KCND3: variants seen among roughly 807,000 people sequenced by gnomAD.
KCND3 encodes potassium voltage-gated channel subfamily D member 3, also known as A-type voltage-gated potassium channel KCND3.
KCND3 carries 9 observed loss-of-function variants against 51.1 expected under a neutral mutation model. The observed-to-expected ratio is 0.18, with a 90% CI of 0.11 to 0.31. The LOEUF (loss-of-function observed/expected upper bound fraction) is 0.31, where lower values mean the gene tolerates loss of function less well. Among genes scored for constraint, KCND3 ranks in the 10% least tolerant of loss-of-function variants. The pLI is 1.00. For missense variants in KCND3, 526 were observed against 903.8 expected (o/e 0.58, Z 5.36); for synonymous variants, 349 against 368.0 (o/e 0.95, Z 0.59).
chr1:111,825,315 A>G (rs1433818034), intron 2 of KCND3, among the ~76,000 whole-genome samples: 1 of 152,248 alleles, frequency 6.6e-6, no homozygotes, highest in South Asian at 2.1e-4. Flanking sequence ...TTTGTGGCAC[A>G]ATGGCCCATC....
chr1:111,811,980 C>T (rs1293534719), intron 2 of KCND3, among the ~76,000 whole-genome samples: 7 of 152,178 alleles, frequency 4.6e-5, no homozygotes, highest in Non-Finnish European at 1.0e-4. Flanking sequence ...TGAGAGCATT[C>T]CTTGCAGTGC....
intron 2 of KCND3, among the ~76,000 whole-genome samples, chr1:111,817,086 A>C (rs558358021): frequency 2.0e-5 from 3 of 152,276 alleles, no homozygotes; most frequent in African/African-American, 7.2e-5. Flanking sequence ...TTAGTCACCA[A>C]AGCAGTGTAC....
chr1:111,977,890 T>C (rs1674727994), intron 2 of KCND3, among the ~76,000 whole-genome samples: 1 of 152,254 alleles, frequency 6.6e-6, no homozygotes, highest in African/African-American at 2.4e-5. Context: ...CCCTTCCCTC[T>C]GTTAACTGAG....
chr1:111,977,614 C>T (rs1325544864), intron 2 of KCND3, among the ~76,000 whole-genome samples: 1 of 152,124 alleles, frequency 6.6e-6, no homozygotes, highest in African/African-American at 2.4e-5. Context: ...CCCTAGGATA[C>T]CCAAGAGCAG....
intron 2 of KCND3, among the ~76,000 whole-genome samples, chr1:111,955,396 G>A (rs146633228): frequency 2.2e-3 from 329 of 152,120 alleles, no homozygotes; most frequent in African/African-American, 7.1e-3. Flanking sequence ...CCTGGGCAAC[G>A]GAGCAAGACC....
At chr1:111,792,033 G>A (rs934994008) in intron 2 of KCND3, among the ~76,000 whole-genome samples, 5 of 152,224 alleles carry the variant, frequency 3.3e-5, no homozygotes, top group Non-Finnish European at 5.9e-5. Flanking sequence ...AGGCTGCTGT[G>A]TCGAGTTCCA....
intron 2 of KCND3, among the ~76,000 whole-genome samples, chr1:111,872,696 G>A (rs1668880292): frequency 6.6e-6 from 1 of 152,146 alleles, no homozygotes; most frequent in Admixed American, 6.5e-5. Flanking sequence ...GACAATAAAT[G>A]AACAACACAT....
chr1:111,933,314 A>G (rs1936061), intron 2 of KCND3, among the ~76,000 whole-genome samples: 55,880 of 152,056 alleles, frequency 0.37, 11,739 homozygotes, highest in East Asian at 0.63. Flanking sequence ...GGATTAATAC[A>G]AGTACCAACA....
chr1:111,839,905 T>C (rs532390682), intron 2 of KCND3, among the ~76,000 whole-genome samples: 7 of 152,308 alleles, frequency 4.6e-5, no homozygotes, highest in South Asian at 2.1e-4. Context: ...TAAAAAATGG[T>C]TTATTCTGGG....
intron 2 of KCND3, among the ~76,000 whole-genome samples, chr1:111,840,797 C>T (rs1667290700): frequency 6.6e-6 from 1 of 152,160 alleles, no homozygotes; most frequent in Non-Finnish European, 1.5e-5. Context: ...GCCCGGTGTC[C>T]CCTCCCCAGG....
intron 3 of KCND3, among the ~76,000 whole-genome samples, chr1:111,782,508 G>T (rs541041219): frequency 2.0e-5 from 3 of 152,116 alleles, no homozygotes; most frequent in Non-Finnish European, 2.9e-5. Flanking sequence ...TACTCCATGG[G>T]AATCCTGCTC....
At chr1:111,782,416 A>C (rs1224997737) in intron 3 of KCND3, among the ~76,000 whole-genome samples, 2 of 152,092 alleles carry the variant, frequency 1.3e-5, no homozygotes, top group Non-Finnish European at 2.9e-5. Flanking sequence ...GGGACCTGGG[A>C]GAGAAAGGAT....
At chr1:111,966,045 G>A (rs771356412) in intron 2 of KCND3, among the ~76,000 whole-genome samples, 18 of 152,196 alleles carry the variant, frequency 1.2e-4, no homozygotes, top group Non-Finnish European at 2.4e-4. Context: ...CACTCACCTG[G>A]CTCACCCCAC....
Position 111,780,407 on chromosome 1 carries a change from G to T in KCND3, c.1372-93C>A. The T allele has an allele frequency of 3.2e-6, 4 of 1,258,496 alleles. No individual in the cohort carries two copies. The South Asian group carries it at 3.9e-5, about 12-fold the overall frequency. 78.0% of individuals were successfully genotyped at this position (1,258,496 alleles called of 1,614,324 possible). ...CTCCACTAAAGGTCAAAGGGCAATA[G>T]AATAATCAAATTTTTTTTTATTTGA... On this transcript the variant is annotated intron_variant, in intron 4 of 7. Transcript: ENST00000302127. The surrounding 1 kb of genome is among the most constrained non-coding windows in gnomAD (Gnocchi z 4.2).
intron 2 of KCND3, among the ~76,000 whole-genome samples, chr1:111,817,492 C>G (rs1351802753): frequency 1.3e-5 from 2 of 152,116 alleles, no homozygotes; most frequent in African/African-American, 4.8e-5. Flanking sequence ...GACACCGACC[C>G]AAATGACTTA....
intron 2 of KCND3, among the ~76,000 whole-genome samples, chr1:111,917,488 G>A (rs1476147191): frequency 6.6e-6 from 1 of 152,182 alleles, no homozygotes; most frequent in Non-Finnish European, 1.5e-5. Flanking sequence ...ACGGAACTGA[G>A]ATTATATAAT....
intron 2 of KCND3, among the ~76,000 whole-genome samples, chr1:111,811,587 T>C (rs1665852271): frequency 6.6e-6 from 1 of 152,178 alleles, no homozygotes; most frequent in South Asian, 2.1e-4. Flanking sequence ...TCTGAGTCCC[T>C]GGGTGAATCC....
At chr1:111,798,796 CA>C (rs1327475992) in intron 2 of KCND3, among the ~76,000 whole-genome samples, 1 of 150,264 alleles carries the variant, frequency 6.7e-6, no homozygotes, top group African/African-American at 2.5e-5. Context: ...CATACTGGAT[CA>C]TCAGAGGGCC....
At chr1:111,899,145 G>T (rs1359179496) in intron 2 of KCND3, among the ~76,000 whole-genome samples, 1 of 152,120 alleles carries the variant, frequency 6.6e-6, no homozygotes, top group African/African-American at 2.4e-5. Context: ...GTGACTACAA[G>T]GGTCACTATC....
Sources: gnomAD v4.1 joint callset for allele counts (sites outside exome capture counted in the v4.1 genomes callset) on GRCh38, gnomAD v4.1.1 for gene constraint, Gnocchi (gnomAD v3.1) non-coding constraint, MANE v1.5 for transcripts, NCBI Gene and HGNC (gene_info 2026-07-23, HGNC 2026-07-21) for gene names.